Variants in OPALIN observed in about 807,000 individuals in gnomAD.
OPALIN encodes the protein oligodendrocytic myelin paranodal and inner loop protein.
A neutral mutation model predicts 17.8 loss-of-function variants in OPALIN; 15 were observed. The ratio of observed to expected loss-of-function variants is 0.84; its 90% CI spans 0.56 to 1.29. OPALIN has a LOEUF of 1.29. OPALIN is among the 50% of genes most tolerant of loss of function. The probability of loss-of-function intolerance (pLI) is 0.00; values close to 1 mark genes in which losing one functional copy is unlikely to be tolerated. For synonymous variants in OPALIN, 62 were observed against 63.8 expected (o/e 0.97, Z 0.14); for missense variants, 170 against 176.0 (o/e 0.97, Z 0.19).
chr10:96,356,968 G>T, intron 1 of OPALIN: 1 of 985,470 alleles, frequency 1.0e-6, no homozygotes, highest in Non-Finnish European at 1.2e-6. Context: ...AGCAACTCCA[G>T]TAGTCTCTGT....
intron 1 of OPALIN, chr10:96,357,266 C>G: frequency 1.9e-6 from 1 of 517,992 alleles, no homozygotes; most frequent in Non-Finnish European, 2.5e-6. Context: ...GGGGGTGCAG[C>G]AACAAGTGGG....
At chr10:96,357,025 C>T (rs1185767956) in intron 1 of OPALIN, 4 of 985,398 alleles carry the variant, frequency 4.1e-6, no homozygotes, top group Non-Finnish European at 4.8e-6. Context: ...ACCTCTGCTT[C>T]TGGGATGACG....
intron 1 of OPALIN, among the ~76,000 whole-genome samples, chr10:96,357,684 A>G (rs1358045330): frequency 1.3e-5 from 2 of 152,190 alleles, no homozygotes; most frequent in African/African-American, 4.8e-5. Context: ...CCTTTCTCCC[A>G]AACTGTAAAA....
At position 96,353,392 on chromosome 10, in the gene OPALIN, AC is replaced by A. The variant is rs1321762576; in HGVS notation, c.39+1862del. On this transcript the variant is annotated intron_variant, in intron 2 of 5. Coordinates refer to ENST00000371172, the MANE Select transcript of OPALIN (RefSeq NM_033207.5). ...TGGCATTCCCAGGCTACCCAGCTGCACTGAAGTGGAAGGGTTATGCAGTAGA... is the reference window on the plus strand; with the variant it reads ...TGGCATTCCCAGGCTACCCAGCTGCATGAAGTGGAAGGGTTATGCAGTAGA... 6 of 1,610,672 alleles carry A rather than the reference AC, an allele frequency of 3.7e-6. No homozygotes were observed. In the African/African-American group the frequency reaches 6.7e-5, roughly 18 times the overall value.
At chr10:96,353,405 G>T (rs1215561550) in intron 2 of OPALIN, 9 of 1,613,202 alleles carry the variant, frequency 5.6e-6, no homozygotes, top group Middle Eastern at 1.6e-4. Context: ...GAAGTGGAAG[G>T]GTTATGCAGT....
chr10:96,350,004 C>T (rs575107998), intron 3 of OPALIN, among the ~76,000 whole-genome samples, 178 bp from the exon 4 acceptor site: 1 of 152,294 alleles, frequency 6.6e-6, no homozygotes, highest in East Asian at 1.9e-4. Context: ...TGACAAATGA[C>T]TTACTTTCAT....
At chr10:96,347,992 T>C (rs74232122) in intron 5 of OPALIN, among the ~76,000 whole-genome samples, 9,387 of 152,352 alleles carry the variant, frequency 0.062, 836 homozygotes, top group East Asian at 0.44. Flanking sequence ...TGAGAGTTCA[T>C]ATCACTGTTA....
chr10:96,355,405 C>T, intron 1 of OPALIN, 115 bp from the exon 2 acceptor site: 1 of 881,764 alleles, frequency 1.1e-6, no homozygotes, highest in Non-Finnish European at 1.8e-6. Context: ...CCTATAGACT[C>T]AGCCAGCCCC....
intron 2 of OPALIN, among the ~76,000 whole-genome samples, chr10:96,354,481 ATAT>A (rs1384795748): frequency 2.6e-5 from 4 of 152,234 alleles, no homozygotes; most frequent in Non-Finnish European, 5.9e-5. Flanking sequence ...ACTTGAAAAA[ATAT>A]TATGCGATCA....
chr10:96,354,155 C>T (rs569967242), intron 2 of OPALIN, among the ~76,000 whole-genome samples: 3 of 152,174 alleles, frequency 2.0e-5, no homozygotes, highest in South Asian at 2.1e-4. Flanking sequence ...CAGAAAAATG[C>T]CTTGCTCAAC....
chr10:96,351,379 G>A lies in OPALIN; in HGVS notation c.71C>T (p.Thr24Met), dbSNP rs371878185. ...TSSPVTGGKE[T>M]DCGPSLGLAA... is the part of the protein sequence containing the mutation. ...TATAAATTTAAGTGATATAGTTACCGTTTCTTTCCCACCTGTGACAGGAGA... is the reference window on the plus strand; with the variant it reads ...TATAAATTTAAGTGATATAGTTACCATTTCTTTCCCACCTGTGACAGGAGA... Residue 24 changes from threonine to methionine, a missense_variant and splice_region_variant, in exon 3 of 6, where the codon ACG becomes ATG. Physicochemically the swap from Thr to Met is moderately conservative, Grantham distance 81. Coordinates refer to ENST00000371172, the MANE Select transcript of OPALIN (RefSeq NM_033207.5). 11 of 1,519,368 alleles carry A rather than the reference G, an allele frequency of 7.2e-6. No individual in the cohort carries two copies. In the Admixed American group the frequency reaches 1.0e-4, roughly 14 times the overall value. The allele number at this position is 1,519,368 out of a possible 1,614,324, so 94.1% of individuals were successfully genotyped here.
chr10:96,355,892 A>G (rs1845798479), intron 1 of OPALIN, among the ~76,000 whole-genome samples: 1 of 152,036 alleles, frequency 6.6e-6, no homozygotes, highest in African/African-American at 2.4e-5. Context: ...AGATGGTCTC[A>G]CCTCTCCCGC....
chr10:96,357,287 T>G (rs913294470), intron 1 of OPALIN: 4 of 318,370 alleles, frequency 1.3e-5, no homozygotes, highest in East Asian at 1.7e-4. Flanking sequence ...CCATTGCATG[T>G]GTTGTTTATC....
chr10:96,350,701 C>A (rs1390126367), intron 3 of OPALIN, among the ~76,000 whole-genome samples: 1 of 151,904 alleles, frequency 6.6e-6, no homozygotes, highest in African/African-American at 2.4e-5. Context: ...TTTAGCCTTT[C>A]AAAAAAAATT....
chr10:96,353,348 G>A (rs1173628053), intron 2 of OPALIN: 7 of 1,589,116 alleles, frequency 4.4e-6, no homozygotes, highest in Non-Finnish European at 5.2e-6. Context: ...GCCCACCTCT[G>A]TCCCACTTCC....
chr10:96,357,190 AGT>A (rs1208144892), intron 1 of OPALIN: 1 of 984,058 alleles, frequency 1.0e-6, no homozygotes, highest in Non-Finnish European at 1.2e-6. Flanking sequence ...TTATCTCATC[AGT>A]GGGCACTGAG....
chr10:96,349,702 A>T lies in OPALIN; in HGVS notation c.192+5T>A. Reference sequence around the variant, plus strand: ...ACATCTGGACCCAAAGAAGCTAGTAATCACCTCCATGGCCTCAATGCTGCT... The same window carrying T: ...ACATCTGGACCCAAAGAAGCTAGTATTCACCTCCATGGCCTCAATGCTGCT... On this transcript the variant is annotated splice_donor_5th_base_variant and intron_variant, in intron 4 of 5. Transcript: ENST00000371172. 1 of 1,612,564 alleles carries T rather than the reference A, an allele frequency of 6.2e-7. No homozygotes were observed. Among genetic ancestry groups the T allele is most frequent in the Non-Finnish European group, 8.5e-7 (1 of 1,179,492 alleles).
At chr10:96,356,505 G>A (rs1461601477) in intron 1 of OPALIN, among the ~76,000 whole-genome samples, 2 of 152,130 alleles carry the variant, frequency 1.3e-5, no homozygotes, top group Non-Finnish European at 2.9e-5. Flanking sequence ...AATGAGAACA[G>A]TTGGAGCCAC....
chr10:96,352,587 A>C (rs913329511), intron 2 of OPALIN, among the ~76,000 whole-genome samples: 25 of 151,480 alleles, frequency 1.7e-4, no homozygotes, highest in African/African-American at 5.3e-4. Context: ...GCATTTCCCT[A>C]AGGTGCTCTA....
Sources: allele counts gnomAD v4.1 joint callset (sites outside exome capture counted in the v4.1 genomes callset), GRCh38; gene constraint gnomAD v4.1.1; transcripts MANE v1.5; gene names NCBI Gene and HGNC (gene_info 2026-07-23, HGNC 2026-07-21).